The following SHLD2 variants were observed in gnomAD, a reference collection of about 807,000 sequenced individuals.
The protein encoded by SHLD2 is shieldin complex subunit 2.
SHLD2 carries 30 observed loss-of-function variants against 73.2 expected under a neutral mutation model. The ratio of observed to expected loss-of-function variants is 0.41; its 90% CI spans 0.31 to 0.56. The LOEUF (loss-of-function observed/expected upper bound fraction) is 0.56. Ranked by LOEUF, SHLD2 falls within the 20% of genes least tolerant of loss-of-function variation. SHLD2 has a pLI of 0.28. For synonymous variants in SHLD2, 285 were observed against 370.1 expected, an observed-to-expected ratio of 0.77 and a Z score of 2.64; for missense variants, 745 against 1,055.9, an observed-to-expected ratio of 0.71 and a Z score of 4.08.
rs559162044 is a variant in SHLD2 at position 87,147,010 on chromosome 10, C to T, written c.-5-4340C>T. ...GGCAGAGGTTGCAGTGAGCTGAGAT[C>T]GTGCCATTGCACTCCAGCCTGGGTG... On this transcript the variant is annotated intron_variant, in intron 2 of 9. Coordinates refer to ENST00000298786, the MANE Select transcript of SHLD2 (RefSeq NM_001330112.2). Among the ~76,000 whole-genome samples the T allele has an allele frequency of 1.6e-4, 23 of 140,108 alleles. No homozygotes were observed. In the South Asian group the frequency reaches 4.1e-3, roughly 25 times the overall value. 91.9% of individuals were successfully genotyped at this position (140,108 alleles called of 152,430 possible).
chr10:87,163,738 C>T (rs1846985268), intron 4 of SHLD2, among the ~76,000 whole-genome samples: 1 of 149,920 alleles, frequency 6.7e-6, no homozygotes, highest in African/African-American at 2.5e-5. Context: ...AAGGTTAAAA[C>T]GAACCAGAGG....
intron 2 of SHLD2, among the ~76,000 whole-genome samples, chr10:87,146,505 G>C (rs1207989198): frequency 1.3e-5 from 2 of 151,814 alleles, no homozygotes; most frequent in Non-Finnish European, 2.9e-5. Context: ...TGTTGGGCAG[G>C]CTGGTCTCAA....
At chr10:87,150,950 C>T (rs972541440) in intron 2 of SHLD2, among the ~76,000 whole-genome samples, 28 of 151,864 alleles carry the variant, frequency 1.8e-4, no homozygotes, top group Non-Finnish European at 3.2e-4. Context: ...CCTCAGCCTT[C>T]AAGTGGCTGG....
At chr10:87,153,329 C>G (rs1846148648) in intron 3 of SHLD2, among the ~76,000 whole-genome samples, 1 of 152,158 alleles carries the variant, frequency 6.6e-6, no homozygotes, top group African/African-American at 2.4e-5. Context: ...TTGCTTGAGC[C>G]CAGGAGGTTG....
chr10:87,184,408 C>G (rs894848466), intron 8 of SHLD2, among the ~76,000 whole-genome samples: 7 of 151,872 alleles, frequency 4.6e-5, no homozygotes, highest in African/African-American at 1.7e-4. Flanking sequence ...GTTTACCTTC[C>G]CCTAGCTGAA....
rs1849036611 is a variant in SHLD2, at chr10:87,191,088, T to C, written c.*405T>C. 1 of 212,578 alleles carries C rather than the reference T, an allele frequency of 4.7e-6. No homozygotes were observed. Among genetic ancestry groups the C allele is most frequent in the African/African-American group, 2.4e-5 (1 of 42,360 alleles). 13.2% of individuals were successfully genotyped at this position (212,578 alleles called of 1,614,324 possible). A position where few individuals can be genotyped will look rare whatever the true frequency, so the allele number is the denominator to read the frequency against. On this transcript the variant is annotated 3_prime_UTR_variant, in exon 10 of 10. Transcript: ENST00000298786. ...TTATCCCTACCTAAAAAACCGTCAATGTGAAATCATTTCCTTGATTATAAC... is the reference window on the plus strand; with the variant it reads ...TTATCCCTACCTAAAAAACCGTCAACGTGAAATCATTTCCTTGATTATAAC...
intron 2 of SHLD2, among the ~76,000 whole-genome samples, chr10:87,142,428 CA>C (rs940871228): frequency 5.3e-5 from 8 of 152,158 alleles, no homozygotes; most frequent in Admixed American, 5.2e-4. Context: ...TCCTACATGC[CA>C]GTACTCCCTC....
chr10:87,125,389 CATT>C (rs888801836), intron 2 of SHLD2, among the ~76,000 whole-genome samples: 2 of 152,164 alleles, frequency 1.3e-5, no homozygotes, highest in Admixed American at 6.5e-5. Context: ...ATATCAGTAT[CATT>C]GTGGACATTG....
chr10:87,176,589 G>A (rs1358672651), intron 7 of SHLD2, among the ~76,000 whole-genome samples: 1 of 152,256 alleles, frequency 6.6e-6, no homozygotes, highest in African/African-American at 2.4e-5. Flanking sequence ...AGGAACCAGG[G>A]ACAAAGAGCA....
chr10:87,181,380 T>G (rs1848305655), intron 8 of SHLD2, among the ~76,000 whole-genome samples: 1 of 152,008 alleles, frequency 6.6e-6, no homozygotes, highest in African/African-American at 2.4e-5. Context: ...AGTGAGACCC[T>G]GTCTCAAAAT....
At chr10:87,119,358 C>T (rs1032468716) in intron 2 of SHLD2, among the ~76,000 whole-genome samples, 1 of 152,172 alleles carries the variant, frequency 6.6e-6, no homozygotes, top group African/African-American at 2.4e-5. Flanking sequence ...CATTTAAAAT[C>T]TGACAGACCT....
In SHLD2 at chr10:87,176,375, C is replaced by T. The variant is rs577757193; in HGVS notation, c.2170+280C>T. Among the ~76,000 whole-genome samples the T allele has an allele frequency of 7.9e-5, 12 of 152,212 alleles. No homozygotes were observed. In the East Asian group the frequency reaches 2.3e-3, roughly 29 times the overall value. On this transcript the variant is annotated intron_variant, in intron 7 of 9. Transcript: ENST00000298786. ...ATGTTGCCCAGTCTGGTCTCAAACT[C>T]CTGGACTCAAGTGATCCTCTTGCCT...
chr10:87,136,920 A>G (rs1023154007), intron 2 of SHLD2, among the ~76,000 whole-genome samples: 1 of 152,226 alleles, frequency 6.6e-6, no homozygotes, highest in Non-Finnish European at 1.5e-5. Flanking sequence ...CTGTCAAATT[A>G]CAGCTGCATC....
upstream of SHLD2, chr10:87,094,660 G>A (rs1340208147): frequency 6.4e-7 from 1 of 1,573,646 alleles, no homozygotes; most frequent in South Asian, 1.1e-5. The surrounding 1 kb of genome is among the most constrained non-coding windows in gnomAD (Gnocchi z 6.6). Context: ...GGCGGCGGCG[G>A]GCTGTCCCCG....
chr10:87,100,146 A>T (rs1437867921), intron 2 of SHLD2, among the ~76,000 whole-genome samples: 1 of 152,164 alleles, frequency 6.6e-6, no homozygotes, highest in Non-Finnish European at 1.5e-5. Flanking sequence ...TTCGATACTT[A>T]TGCTTTTGGT....
In SHLD2 at chr10:87,119,948, A is replaced by G. The variant is rs184775356; in HGVS notation, c.-6+22959A>G. On this transcript the variant is annotated intron_variant, in intron 2 of 9. Coordinates refer to ENST00000298786, the MANE Select transcript of SHLD2 (RefSeq NM_001330112.2). ...ATTTAAAATAAGGCTACTGGAAGAA[A>G]AATCTATAGGGATTTCTCAGTTTTC... 5.6e-3 allele frequency among the ~76,000 whole-genome samples: 848 copies of G among 152,248 alleles called. 12 individuals carry two copies. Among genetic ancestry groups the G allele is most frequent in the African/African-American group, 0.02 (817 of 41,540 alleles).
At chr10:87,175,706 A>AATC (rs1847911711) in intron 6 of SHLD2, among the ~76,000 whole-genome samples, 183 bp from the exon 7 acceptor site, 1 of 152,038 alleles carries the variant, frequency 6.6e-6, no homozygotes, top group Non-Finnish European at 1.5e-5. Context: ...TAATAATAAT[A>AATC]ATAATCTCTA....
At chr10:87,096,018 G>C (rs1045871236) in intron 1 of SHLD2, among the ~76,000 whole-genome samples, 1 of 152,198 alleles carries the variant, frequency 6.6e-6, no homozygotes, top group African/African-American at 2.4e-5. Flanking sequence ...TTTGTTAAAT[G>C]GTTCAGTATA....
intron 8 of SHLD2, among the ~76,000 whole-genome samples, chr10:87,185,251 C>G (rs1478819706): frequency 1.3e-5 from 2 of 152,150 alleles, no homozygotes; most frequent in African/African-American, 4.8e-5. Context: ...TCACTACTTC[C>G]TTTTTATTGC....
Sources: allele counts gnomAD v4.1 joint callset (sites outside exome capture counted in the v4.1 genomes callset), GRCh38; gene constraint gnomAD v4.1.1; non-coding constraint Gnocchi (gnomAD v3.1); transcripts MANE v1.5; gene names NCBI Gene and HGNC (gene_info 2026-07-23, HGNC 2026-07-21).